Variants in HCST observed in about 807,000 individuals in gnomAD.
HCST encodes hematopoietic cell signal transducer.
Under a neutral mutation model 10.8 loss-of-function variants are expected in HCST, and 12 were observed. That is an observed-to-expected ratio of 1.12 (90% confidence interval 0.72 to 1.81). The LOEUF (loss-of-function observed/expected upper bound fraction) is 1.81. Among genes scored for constraint, HCST ranks in the 40% most tolerant of loss-of-function variants. The pLI, the probability that HCST is intolerant of heterozygous loss-of-function variation, is 0.00. For missense variants in HCST, 102 were observed against 117.9 expected (o/e 0.87, Z 0.62); for synonymous variants, 59 against 51.6 (o/e 1.14, Z -0.61).
chr19:35,903,635 G>A (rs1421634195), intron 2 of HCST, 137 bp from the exon 3 acceptor site: 5 of 1,295,390 alleles, frequency 3.9e-6, no homozygotes, highest in Middle Eastern at 4.1e-4. Context: ...TCTGTCTCCC[G>A]TTTCATTCCC....
chr19:35,902,802 G>A, intron 1 of HCST, 166 bp downstream of exon 1: 1 of 670,960 alleles, frequency 1.5e-6, no homozygotes, highest in Non-Finnish European at 2.5e-6. Flanking sequence ...GGCGGAAGGG[G>A]GTGAGACAGG....
At chr19:35,903,719 G>A (rs1975639789) in intron 2 of HCST, 53 bp from the exon 3 acceptor site, 3 of 1,613,684 alleles carry the variant, frequency 1.9e-6, no homozygotes, top group South Asian at 2.2e-5. Flanking sequence ...CCAAAGCACA[G>A]CCCCAGGACG....
Position 35,903,406 on chromosome 19 carries a change from T to C in HCST, c.99T>C (p.Pro33=), listed in dbSNP as rs139729010. ...GATCATCACTCCCTGCCTTTTACCC[T>C]GGCACTTCAGGTATCACTTCCACCC... ...GERSSLPAFY[P]GTSGSCSGCG... is the part of the protein sequence containing the mutation. Residue 33 remains proline, a synonymous_variant, in exon 2 of 4, where the codon CCT becomes CCC. Transcript: ENST00000246551. 61 of 1,613,648 alleles carry C rather than the reference T, an allele frequency of 3.8e-5. 1 individual carries two copies. Among genetic ancestry groups the C allele is most frequent in the Middle Eastern group, 3.3e-4 (2 of 6,084 alleles).
chr19:35,903,979 G>T, intron 3 of HCST, 76 bp downstream of exon 3: 1 of 1,576,058 alleles, frequency 6.3e-7, no homozygotes, highest in South Asian at 1.2e-5. Flanking sequence ...GGGGCCCTTG[G>T]GGAAGCCCTG....
chr19:35,902,894 A>G (rs1975614467), intron 1 of HCST: 8 of 516,948 alleles, frequency 1.5e-5, no homozygotes, highest in Non-Finnish European at 2.4e-5. Context: ...GTCACTCTCC[A>G]TGTCTCTGGG....
chr19:35,902,776 G>A, intron 1 of HCST, 140 bp downstream of exon 1: 3 of 864,854 alleles, frequency 3.5e-6, no homozygotes. Flanking sequence ...TCTGCTTCAG[G>A]GCCTGGGTCC....
chr19:35,904,008 C>T, intron 3 of HCST, 105 bp downstream of exon 3: 1 of 1,586,940 alleles, frequency 6.3e-7, no homozygotes. Flanking sequence ...GCTGGGGAAA[C>T]CCTGGGGGAG....
rs1975599701 is a variant in HCST at position 35,902,593 on chromosome 19, C to T, written c.-1C>T. On this transcript the variant is annotated 5_prime_UTR_variant, in exon 1 of 4. Coordinates refer to ENST00000246551, the MANE Select transcript of HCST (RefSeq NM_014266.4). Reference sequence around the variant, plus strand: ...AGACCCCTGCCAGACCCCAGTCCACCATGATCCATCTGGGTCACATCCTCT... The same window carrying T: ...AGACCCCTGCCAGACCCCAGTCCACTATGATCCATCTGGGTCACATCCTCT... 6.2e-7 allele frequency: 1 copy of T among 1,614,158 alleles called. No homozygotes were observed. The highest frequency in any genetic ancestry group is 8.5e-7 in the Non-Finnish European group (1 of 1,179,992).
rs542827701 is a variant in HCST, at chr19:35,903,132, A to G, written c.44-219A>G. The G allele has an allele frequency of 1.5e-3, 745 of 508,250 alleles. 8 individuals carry two copies. Among genetic ancestry groups the G allele is most frequent in the African/African-American group, 0.013 (678 of 51,322 alleles). The allele number at this position is 508,250 out of a possible 1,614,324, so 31.5% of individuals were successfully genotyped here. On this transcript the variant is annotated intron_variant, in intron 1 of 3. Coordinates refer to ENST00000246551, the MANE Select transcript of HCST (RefSeq NM_014266.4). ...CAGCCTCCCGAGTAACTGGGATTAC[A>G]GGTGTGAACCAACACTTCCAGCTAA...
rs146615949 is a variant in HCST, at chr19:35,903,843, T to C, written c.181T>C (p.Ser61Pro). The C allele has an allele frequency of 7.6e-5, 123 of 1,613,560 alleles. No individual in the cohort carries two copies. Among genetic ancestry groups the C allele is most frequent in the Non-Finnish European group, 9.6e-5 (113 of 1,179,982 alleles). The change falls in exon 3 of 4, where the codon TCG (serine) becomes CCG (proline). Residue 61 changes from serine to proline, a missense_variant. Ser to Pro is a moderately conservative substitution (Grantham distance 74). Transcript: ENST00000246551. Reference protein sequence around the residue: ...AGLVAADAVASLLIVGAVFLC... With the variant: ...AGLVAADAVAPLLIVGAVFLC... ...CCTCGTGGCTGCTGATGCGGTGGCA[T>C]CGCTGCTCATCGTGGGGGCGGTGTT...
At chr19:35,903,951 G>A (rs759623505) in intron 3 of HCST, 48 bp downstream of exon 3, 2 of 1,586,574 alleles carry the variant, frequency 1.3e-6, no homozygotes, top group East Asian at 2.2e-5. Context: ...GTGTCCCTAG[G>A]GAGGGGGTCC....
chr19:35,904,080 T>C (rs970343022), intron 3 of HCST, 40 bp from the exon 4 acceptor site: 10 of 1,612,372 alleles, frequency 6.2e-6, no homozygotes, highest in East Asian at 4.5e-5. Context: ...AGTGGAGATA[T>C]GGGTGGTCAA....
Position 35,902,617 on chromosome 19 carries a change from C to G in HCST, c.24C>G (p.Leu8=). MIHLGHI[L]FLLLLPVAAA... Reference sequence around the variant, plus strand: ...CCATGATCCATCTGGGTCACATCCTCTTCCTGCTTTTGCTCCCAGGTGAAG... The same window carrying G: ...CCATGATCCATCTGGGTCACATCCTGTTCCTGCTTTTGCTCCCAGGTGAAG... Residue 8 remains leucine, a synonymous_variant, in exon 1 of 4, where the codon CTC becomes CTG. Coordinates refer to ENST00000246551, the MANE Select transcript of HCST (RefSeq NM_014266.4). The G allele has an allele frequency of 1.2e-6, 2 of 1,614,202 alleles. No homozygotes were observed. Among genetic ancestry groups the G allele is most frequent in the Non-Finnish European group, 1.7e-6 (2 of 1,180,034 alleles).
intron 1 of HCST, 101 bp downstream of exon 1, chr19:35,902,737 C>T: frequency 8.4e-7 from 1 of 1,190,328 alleles, no homozygotes; most frequent in South Asian, 1.3e-5. Flanking sequence ...GTTCTTCTCC[C>T]TGCACCCCTT....
chr19:35,903,517 T>G, intron 2 of HCST, 101 bp downstream of exon 2: 1 of 1,157,156 alleles, frequency 8.6e-7, no homozygotes, highest in Non-Finnish European at 1.3e-6. Flanking sequence ...AGAGGATCCG[T>G]GTCCTTCTCC....
chr19:35,903,676 C>A, intron 2 of HCST, 96 bp from the exon 3 acceptor site: 1 of 1,567,754 alleles, frequency 6.4e-7, no homozygotes, highest in Non-Finnish European at 8.7e-7. Context: ...CTGGGACCCG[C>A]CCCCTCGCAG....
chr19:35,903,267 A>C (rs1438514384), intron 1 of HCST, 84 bp from the exon 2 acceptor site: 2 of 1,221,114 alleles, frequency 1.6e-6, no homozygotes, highest in Non-Finnish European at 2.4e-6. Context: ...CTGGGATGAC[A>C]GGCGTGAGCC....
Position 35,904,352 on chromosome 19 carries a change from T to C in HCST, c.*192T>C. 3 of 809,318 alleles carry C rather than the reference T, an allele frequency of 3.7e-6. No homozygotes were observed. The highest frequency in any genetic ancestry group is 6.2e-6 in the Non-Finnish European group (3 of 481,966). The allele number at this position is 809,318 out of a possible 1,614,324, so 50.1% of individuals were successfully genotyped here. A position where few individuals can be genotyped will look rare whatever the true frequency, so the allele number is the denominator to read the frequency against. Reference sequence around the variant, plus strand: ...AACTGTTTCTGGATCCAAGGCCCCCTCAGAACCCCCACATGTCCCCATCCC... The same window carrying C: ...AACTGTTTCTGGATCCAAGGCCCCCCCAGAACCCCCACATGTCCCCATCCC... On this transcript the variant is annotated 3_prime_UTR_variant, in exon 4 of 4. Coordinates refer to ENST00000246551, the MANE Select transcript of HCST (RefSeq NM_014266.4).
chr19:35,904,252 A>G lies in HCST; in HGVS notation c.*92A>G. The stretch of plus-strand genomic sequence containing the variant: ...ACCCCCGCCCCAACTTTTGGATTGT[A>G]ATAAAACAATTGAAACACCTGTAGT... On this transcript the variant is annotated 3_prime_UTR_variant, in exon 4 of 4. Transcript: ENST00000246551. 1 of 1,320,516 alleles carries G rather than the reference A, an allele frequency of 7.6e-7. No homozygotes were observed. The highest frequency in any genetic ancestry group is 1.8e-4 in the Middle Eastern group (1 of 5,442). 81.8% of individuals were successfully genotyped at this position (1,320,516 alleles called of 1,614,324 possible).
Sources: gnomAD v4.1 joint callset for allele counts on GRCh38, gnomAD v4.1.1 for gene constraint, MANE v1.5 for transcripts, NCBI Gene and HGNC (gene_info 2026-07-23, HGNC 2026-07-21) for gene names.